The following EEPD1 variants were observed in gnomAD, a reference collection of about 807,000 sequenced individuals.
EEPD1 encodes the protein endonuclease/exonuclease/phosphatase family domain containing 1.
A neutral mutation model predicts 46.3 loss-of-function variants in EEPD1; 17 were observed. The ratio of observed to expected loss-of-function variants is 0.37; its 90% CI spans 0.25 to 0.55. The LOEUF is 0.55. Ranked by LOEUF, EEPD1 falls within the 20% of genes least tolerant of loss-of-function variation. The pLI, the probability that EEPD1 is intolerant of heterozygous loss-of-function variation, is 0.83. For missense variants in EEPD1, 673 were observed against 745.6 expected (o/e 0.90, Z 1.13); for synonymous variants, 313 against 315.6 (o/e 0.99, Z 0.09).
At chr7:36,264,649 T>C (rs889431708) in intron 3 of EEPD1, among the ~76,000 whole-genome samples, 16 of 152,212 alleles carry the variant, frequency 1.1e-4, no homozygotes, top group African/African-American at 3.6e-4. Context: ...CTGTGTCCAG[T>C]TTGCTTTTGG....
chr7:36,207,182 A>T (rs1785836027), intron 2 of EEPD1, among the ~76,000 whole-genome samples: 1 of 152,198 alleles, frequency 6.6e-6, no homozygotes, highest in African/African-American at 2.4e-5. Context: ...GCATTCCTAG[A>T]GTTTGGATTC....
chr7:36,174,608 G>A (rs1785146836), intron 2 of EEPD1, among the ~76,000 whole-genome samples: 1 of 152,174 alleles, frequency 6.6e-6, no homozygotes, highest in African/African-American at 2.4e-5. Flanking sequence ...AAATCAGTGT[G>A]TATTTCCAGA....
At chr7:36,161,880 T>TAGATCATTTGAGGTCAGGAGATC in intron 2 of EEPD1, among the ~76,000 whole-genome samples, 1 of 137,798 alleles carries the variant, frequency 7.3e-6, no homozygotes, top group African/African-American at 2.8e-5. Flanking sequence ...AGTGACAGAG[T>TAGATCATTTGAGGTCAGGAGATC]GAGACCCTGT....
intron 3 of EEPD1, among the ~76,000 whole-genome samples, chr7:36,280,883 A>G (rs1313560826): frequency 6.6e-6 from 1 of 152,210 alleles, no homozygotes; most frequent in African/African-American, 2.4e-5. Context: ...GAGAGTCCCC[A>G]GGTGATAATT....
chr7:36,286,255 C>T (rs1047750250), intron 5 of EEPD1, among the ~76,000 whole-genome samples: 2 of 152,202 alleles, frequency 1.3e-5, no homozygotes, highest in African/African-American at 4.8e-5. Context: ...CATTATAGGC[C>T]TGGCAGTTGG....
intron 6 of EEPD1, among the ~76,000 whole-genome samples, chr7:36,296,324 A>G (rs1355041138): frequency 6.6e-6 from 1 of 152,084 alleles, no homozygotes; most frequent in African/African-American, 2.4e-5. Context: ...GCTTCTTGAT[A>G]CCTTGTCCTA....
rs764849345 is a variant in EEPD1 at position 36,299,123 on chromosome 7, G to A, written c.1627G>A (p.Asp543Asn). 1.9e-6 allele frequency: 3 copies of A among 1,611,530 alleles called. No individual in the cohort carries two copies. The South Asian group carries it at 3.3e-5, about 18-fold the overall frequency. ...PVLAEFYTEK[D>N]WSKKDAPRNG... The stretch of plus-strand genomic sequence containing the variant: ...GCTAGCCGAGTTCTACACTGAAAAG[G>A]ACTGGAGCAAGAAGGATGCCCCTCG... Residue 543 changes from aspartate (D) to asparagine (N), a missense_variant, in exon 8 of 8, where the codon GAC becomes AAC. Physicochemically the swap from Asp to Asn is conservative, Grantham distance 23. Coordinates refer to ENST00000242108, the MANE Select transcript of EEPD1 (RefSeq NM_030636.3).
intron 3 of EEPD1, among the ~76,000 whole-genome samples, chr7:36,252,081 T>G (rs1355169731): frequency 6.6e-6 from 1 of 152,186 alleles, no homozygotes; most frequent in Non-Finnish European, 1.5e-5. Context: ...GTTTAATTAA[T>G]TTTTCTTCAT....
intron 3 of EEPD1, among the ~76,000 whole-genome samples, chr7:36,249,356 G>A (rs1352217567): frequency 6.6e-6 from 1 of 152,192 alleles, no homozygotes; most frequent in Non-Finnish European, 1.5e-5. Flanking sequence ...TTCTTGGGCA[G>A]AGCATTTCAT....
intron 2 of EEPD1, among the ~76,000 whole-genome samples, chr7:36,205,949 C>T (rs1785808813): frequency 6.6e-6 from 1 of 152,164 alleles, no homozygotes; most frequent in African/African-American, 2.4e-5. Context: ...GTACAATGAG[C>T]TCAGGCTGCA....
Position 36,297,320 on chromosome 7 carries a change from A to G in EEPD1, c.1510+133A>G, listed in dbSNP as rs1049574368. On this transcript the variant is annotated intron_variant, in intron 7 of 7. Transcript: ENST00000242108. ...TGGTTTACGTGACTGTATAACTGTCATTTAATCAGAGACAGAATCCAGGAA... is the reference window on the plus strand; with the variant it reads ...TGGTTTACGTGACTGTATAACTGTCGTTTAATCAGAGACAGAATCCAGGAA... 4.6e-5 allele frequency: 47 copies of G among 1,022,246 alleles called. No homozygotes were observed. The African/African-American group carries it at 6.0e-4, about 13-fold the overall frequency. The allele number at this position is 1,022,246 out of a possible 1,614,324, so 63.3% of individuals were successfully genotyped here. A position where few individuals can be genotyped will look rare whatever the true frequency, so the allele number is the denominator to read the frequency against.
intron 7 of EEPD1, among the ~76,000 whole-genome samples, 180 bp downstream of exon 7, chr7:36,297,367 C>T (rs1787544690): frequency 1.3e-5 from 2 of 152,184 alleles, no homozygotes; most frequent in African/African-American, 2.4e-5. Flanking sequence ...GTCAGTCCCG[C>T]GCTAAGGACC....
At chr7:36,197,162 G>T (rs1471786356) in intron 2 of EEPD1, among the ~76,000 whole-genome samples, 1 of 150,226 alleles carries the variant, frequency 6.7e-6, no homozygotes, top group Non-Finnish European at 1.5e-5. Context: ...GAAGTGAGGA[G>T]CCCCTCCGCC....
At chr7:36,262,276 G>T (rs576025483) in intron 3 of EEPD1, among the ~76,000 whole-genome samples, 1 of 152,076 alleles carries the variant, frequency 6.6e-6, no homozygotes, top group Non-Finnish European at 1.5e-5. Flanking sequence ...AGGAGTTCGA[G>T]ACCAGCCAGG....
chr7:36,187,855 G>T (rs1785388278), intron 2 of EEPD1, among the ~76,000 whole-genome samples: 1 of 152,124 alleles, frequency 6.6e-6, no homozygotes. Context: ...GGAGTGCAGT[G>T]GCATGATCTC....
intron 3 of EEPD1, among the ~76,000 whole-genome samples, chr7:36,264,475 T>TG (rs1263729837): frequency 6.6e-6 from 1 of 152,256 alleles, no homozygotes; most frequent in Non-Finnish European, 1.5e-5. Flanking sequence ...GTAAAGGGCC[T>TG]GCAGCATTGG....
intron 2 of EEPD1, among the ~76,000 whole-genome samples, chr7:36,197,515 G>C (rs1785628129): frequency 6.6e-6 from 1 of 152,202 alleles, no homozygotes; most frequent in Non-Finnish European, 1.5e-5. Context: ...GATGGTTGCC[G>C]TGTCTGTGTA....
chr7:36,222,018 A>G (rs904123850), intron 2 of EEPD1, among the ~76,000 whole-genome samples: 1 of 152,208 alleles, frequency 6.6e-6, no homozygotes, highest in Non-Finnish European at 1.5e-5. Flanking sequence ...CACATTATAT[A>G]GTGGCATTTA....
chr7:36,201,221 C>A (rs949911603), intron 2 of EEPD1, among the ~76,000 whole-genome samples: 10 of 152,080 alleles, frequency 6.6e-5, no homozygotes, highest in Admixed American at 5.9e-4. Context: ...GGAGAGATGG[C>A]AACTAAATAC....
Sources: gnomAD v4.1 joint callset for allele counts (sites outside exome capture counted in the v4.1 genomes callset) on GRCh38, gnomAD v4.1.1 for gene constraint, MANE v1.5 for transcripts, NCBI Gene and HGNC (gene_info 2026-07-23, HGNC 2026-07-21) for gene names.